TIAM1: variants seen among roughly 807,000 people sequenced by gnomAD.
TIAM1 encodes TIAM Rac1 associated GEF 1, also known as rho guanine nucleotide exchange factor TIAM1.
TIAM1 carries 65 observed loss-of-function variants against 163.5 expected under a neutral mutation model. That is an observed-to-expected ratio of 0.40 (90% CI 0.33 to 0.49). The LOEUF is 0.49. Among genes scored for constraint, TIAM1 ranks in the 20% least tolerant of loss-of-function variants. The pLI, the probability that TIAM1 is intolerant of heterozygous loss-of-function variation, is 0.77. For synonymous variants in TIAM1, 833 were observed against 810.1 expected, an observed-to-expected ratio of 1.03 and a Z score of -0.48; for missense variants, 1,789 against 2,044.7, an observed-to-expected ratio of 0.87 and a Z score of 2.41.
At position 31,187,054 on chromosome 21, in the gene TIAM1, ATACCATCTT is replaced by A; in HGVS notation, c.2600_2608del (p.Glu867_Ile870delinsVal). On this transcript the variant is annotated inframe_deletion, in exon 14 of 28. Transcript: ENST00000541036. ...CACACTATTCACGTACAGCCTTCGAATACCATCTTCTTCCACAGAAGAAAGTGAAAACCC... is the reference window on the plus strand; with the variant it reads ...CACACTATTCACGTACAGCCTTCGAACTTCCACAGAAGAAAGTGAAAACCC... The A allele has an allele frequency of 6.2e-7, 1 of 1,614,148 alleles. No homozygotes were observed. Among genetic ancestry groups the A allele is most frequent in the Non-Finnish European group, 8.5e-7 (1 of 1,179,998 alleles).
intron 2 of TIAM1, among the ~76,000 whole-genome samples, chr21:31,293,569 T>C (rs2146925623): frequency 6.6e-6 from 1 of 152,342 alleles, no homozygotes; most frequent in Middle Eastern, 3.4e-3. Context: ...TCCCACAGAA[T>C]GTCTACAATG....
At chr21:31,358,329 T>A (rs2076349567) in intron 2 of TIAM1, among the ~76,000 whole-genome samples, 2 of 152,292 alleles carry the variant, frequency 1.3e-5, no homozygotes, top group East Asian at 1.9e-4. Context: ...TTGCAGTTCA[T>A]CTAAATGCCG....
intron 6 of TIAM1, among the ~76,000 whole-genome samples, chr21:31,231,247 C>T (rs776832711): frequency 1.4e-4 from 22 of 152,166 alleles, no homozygotes; most frequent in Admixed American, 2.6e-4. Context: ...TGTTAAGCCG[C>T]TGAGATTTAA....
intron 2 of TIAM1, among the ~76,000 whole-genome samples, chr21:31,386,164 C>T (rs956128245): frequency 2.6e-5 from 4 of 152,022 alleles, no homozygotes; most frequent in Admixed American, 6.6e-5. Flanking sequence ...CCAGCTATCT[C>T]GAGGCTCTGA....
chr21:31,296,813 G>A lies in TIAM1; in HGVS notation c.-188-19905C>T, dbSNP rs149015650. On this transcript the variant is annotated intron_variant, in intron 2 of 27. Coordinates refer to ENST00000541036, the MANE Select transcript of TIAM1 (RefSeq NM_001353694.2). ...AGAGTAGCTGGGACTACAGGCATGT[G>A]CCACCACGCCCAGCTAATTTTTTGT... 8.6e-3 allele frequency among the ~76,000 whole-genome samples: 1,307 copies of A among 152,228 alleles called. 18 individuals carry two copies. Among genetic ancestry groups the A allele is most frequent in the African/African-American group, 0.03 (1,244 of 41,526 alleles).
intron 2 of TIAM1, among the ~76,000 whole-genome samples, chr21:31,327,664 G>GAAAAAA (rs1366970370): frequency 7.9e-6 from 1 of 126,638 alleles, no homozygotes; most frequent in Non-Finnish European, 1.7e-5. Flanking sequence ...AAAAAAAAAG[G>GAAAAAA]AAAGAAAAGA....
At chr21:31,295,261 G>A (rs1407451144) in intron 2 of TIAM1, among the ~76,000 whole-genome samples, 5 of 152,092 alleles carry the variant, frequency 3.3e-5, no homozygotes, top group African/African-American at 1.2e-4. Context: ...ATGAAGTCAG[G>A]AAATCGAGAC....
At chr21:31,524,330 T>TTACAAGAGAGAGTAGAGGGAGGTGC (rs2047707992) in intron 1 of TIAM1, among the ~76,000 whole-genome samples, 1 of 151,830 alleles carries the variant, frequency 6.6e-6, no homozygotes, top group Non-Finnish European at 1.5e-5. Context: ...GAGGGAGGTG[T>TTACAAGAGAGAGTAGAGGGAGGTGC]CACACTTTAC....
At chr21:31,489,006 G>A (rs201542064) in intron 1 of TIAM1, among the ~76,000 whole-genome samples, 9 of 148,596 alleles carry the variant, frequency 6.1e-5, no homozygotes, top group Non-Finnish European at 5.9e-5. Context: ...GCTACAATCA[G>A]AAAAAAAAAA....
chr21:31,381,729 G>T lies in TIAM1; in HGVS notation c.-368-42307C>A, dbSNP rs191602145. Among the ~76,000 whole-genome samples the T allele has an allele frequency of 2.4e-3, 369 of 152,222 alleles. 2 individuals are homozygous for T. The highest frequency in any genetic ancestry group is 8.5e-3 in the African/African-American group (354 of 41,530). On this transcript the variant is annotated intron_variant, in intron 2 of 28. Transcript: ENST00000286827. ...CACCTGTAGTCCCAGCTATTTGGGA[G>T]GCTGTGGTGGGAGCATCACCTGAGG...
In TIAM1 at chr21:31,225,812, C is replaced by A. The variant is rs768537693; in HGVS notation, c.1723G>T (p.Asp575Tyr). ...ATTTTCTTCATCTTTTCATCCATGT[C>A]AATCTTCTGTTCCAGTTTTTTGATC... The part of the protein sequence containing the change: ...SEIKKLEQKI[D>Y]MDEKMKKMGE... Residue 575 changes from aspartate to tyrosine, a missense_variant, in exon 7 of 28, where the codon GAC becomes TAC. This residue lies in a region of TIAM1 where 456 missense variants were observed against 586.6 expected (regional missense o/e 0.78). Coordinates refer to ENST00000541036, the MANE Select transcript of TIAM1 (RefSeq NM_001353694.2). 12 of 1,614,080 alleles carry A rather than the reference C, an allele frequency of 7.4e-6. No individual in the cohort carries two copies. The highest frequency in any genetic ancestry group is 1.3e-5 in the African/African-American group (1 of 74,940).
At chr21:31,200,192 C>G (rs73899682) in intron 12 of TIAM1, among the ~76,000 whole-genome samples, 2,169 of 152,156 alleles carry the variant, frequency 0.014, 55 homozygotes, top group African/African-American at 0.048. Context: ...TAGATGATAG[C>G]TGGGTGTGGT....
chr21:31,154,478 C>G, intron 16 of TIAM1, 52 bp from the exon 17 acceptor site: 1 of 1,577,070 alleles, frequency 6.3e-7, no homozygotes, highest in South Asian at 1.1e-5. Context: ...CCTCATTAGA[C>G]GCACCTGACA....
intron 4 of TIAM1, among the ~76,000 whole-genome samples, chr21:31,264,592 G>A (rs926686569): frequency 2.0e-5 from 3 of 152,128 alleles, no homozygotes; most frequent in Non-Finnish European, 2.9e-5. Flanking sequence ...CAAAATATCC[G>A]GCTTGGACAC....
At chr21:31,264,004 A>G (rs1440468221) in intron 4 of TIAM1, among the ~76,000 whole-genome samples, 1 of 152,206 alleles carries the variant, frequency 6.6e-6, no homozygotes, top group African/African-American at 2.4e-5. Context: ...GTGTCATTAC[A>G]ATCTCAATTC....
intron 4 of TIAM1, among the ~76,000 whole-genome samples, chr21:31,259,196 A>C (rs8131167): frequency 0.037 from 5,351 of 145,374 alleles, 301 homozygotes; most frequent in African/African-American, 0.13. Context: ...GAATACAGTG[A>C]CATGATCATA....
chr21:31,451,979 TGAA>T (rs2044877624), intron 2 of TIAM1, among the ~76,000 whole-genome samples: 1 of 151,928 alleles, frequency 6.6e-6, no homozygotes, highest in Non-Finnish European at 1.5e-5. Context: ...CTAATAGAGA[TGAA>T]GAAGTTGGAA....
intron 6 of TIAM1, 120 bp from the exon 7 acceptor site, chr21:31,226,070 T>C (rs2087954530): frequency 1.3e-5 from 10 of 784,184 alleles, no homozygotes; most frequent in Non-Finnish European, 1.8e-5. Context: ...TAGACACCCA[T>C]GGATAAGAAT....
chr21:31,174,450 A>G (rs1025014327), intron 15 of TIAM1, among the ~76,000 whole-genome samples: 1 of 152,188 alleles, frequency 6.6e-6, no homozygotes, highest in African/African-American at 2.4e-5. Flanking sequence ...CATCAGACAG[A>G]CACGCCTGAG....
Sources: gnomAD v4.1 joint callset for allele counts (sites outside exome capture counted in the v4.1 genomes callset) on GRCh38, gnomAD v4.1.1 for gene constraint, gnomAD v4.1.1 regional missense constraint, MANE v1.5 for transcripts, NCBI Gene and HGNC (gene_info 2026-07-23, HGNC 2026-07-21) for gene names.